FBXO11: variants seen among roughly 807,000 people sequenced by gnomAD.
FBXO11 encodes F-box protein 11.
Under a neutral mutation model 117.0 loss-of-function variants are expected in FBXO11, and 13 were observed. That is an observed-to-expected ratio of 0.11 (90% CI 0.07 to 0.18). FBXO11 has a LOEUF of 0.18. Ranked by LOEUF, FBXO11 falls within the 10% of genes least tolerant of loss-of-function variation. FBXO11 has a pLI of 1.00. For missense variants in FBXO11, 767 were observed against 1,164.4 expected (o/e 0.66, Z 4.97); for synonymous variants, 490 against 380.5 (o/e 1.29, Z -3.35).
intron 1 of FBXO11, among the ~76,000 whole-genome samples, chr2:47,869,702 C>A (rs529183045): frequency 2.6e-5 from 4 of 152,292 alleles, no homozygotes; most frequent in South Asian, 2.1e-4. Context: ...ATAAATACCA[C>A]ATAGTATGTA....
intron 1 of FBXO11, among the ~76,000 whole-genome samples, chr2:47,861,180 G>T (rs1414852536): frequency 6.6e-6 from 1 of 152,090 alleles, no homozygotes; most frequent in African/African-American, 2.4e-5. Context: ...AAACTGGGAA[G>T]TGTAGCCGTC....
At position 47,905,728 on chromosome 2, in the gene FBXO11, G is replaced by A. The variant is rs1412396859; in HGVS notation, c.-8C>T. 3.9e-6 allele frequency: 6 copies of A among 1,526,518 alleles called. No individual in the cohort carries two copies. Among genetic ancestry groups the A allele is most frequent in the African/African-American group, 1.4e-5 (1 of 70,230 alleles). The allele number at this position is 1,526,518 out of a possible 1,614,324, so 94.6% of individuals were successfully genotyped here. ...GGCTCGGACGGAGTTCATTTGCCGG[G>A]CTGAGGTGGCGGCGTTGGCGGAGGG... is the stretch of plus-strand genomic sequence containing the variant. On this transcript the variant is annotated 5_prime_UTR_variant, in exon 1 of 23. Transcript: ENST00000403359.
chr2:47,818,007 CA>C (rs1325741229), intron 16 of FBXO11, among the ~76,000 whole-genome samples: 1 of 152,140 alleles, frequency 6.6e-6, no homozygotes, highest in Non-Finnish European at 1.5e-5. Context: ...GTCAGCCAGG[CA>C]TGGTGGCACA....
intron 1 of FBXO11, among the ~76,000 whole-genome samples, chr2:47,856,674 C>G (rs936549035): frequency 2.6e-5 from 4 of 152,168 alleles, no homozygotes; most frequent in Non-Finnish European, 5.9e-5. Context: ...ATATTCAGCA[C>G]TATAGAGGTA....
At chr2:47,839,895 C>A in intron 1 of FBXO11, 126 bp from the exon 2 acceptor site, 2 of 726,366 alleles carry the variant, frequency 2.8e-6, no homozygotes, top group Non-Finnish European at 4.3e-6. Flanking sequence ...GAAATTCCAA[C>A]CAACTGGATA....
At chr2:47,900,103 AAGAGCTCTTAGGCCTTATCAGC>A (rs1373476567) in intron 1 of FBXO11, among the ~76,000 whole-genome samples, 1 of 152,130 alleles carries the variant, frequency 6.6e-6, no homozygotes, top group Non-Finnish European at 1.5e-5. Context: ...AAAGCAGGAT[AAGAGCTCTTAGGCCTTATCAGC>A]AGAGCTCTTA....
chr2:47,896,498 CTT>C (rs1677678231), intron 1 of FBXO11, among the ~76,000 whole-genome samples: 1 of 151,996 alleles, frequency 6.6e-6, no homozygotes, highest in South Asian at 2.1e-4. Flanking sequence ...CCACAGCTAA[CTT>C]TGTATTTTCT....
intron 1 of FBXO11, among the ~76,000 whole-genome samples, chr2:47,862,337 G>A (rs1444830171): frequency 6.6e-6 from 1 of 152,186 alleles, no homozygotes; most frequent in African/African-American, 2.4e-5. Context: ...AAAGCCATTG[G>A]GACTAGAGCA....
At chr2:47,847,526 T>A (rs987129524) in intron 1 of FBXO11, among the ~76,000 whole-genome samples, 2 of 151,776 alleles carry the variant, frequency 1.3e-5, no homozygotes, top group African/African-American at 4.8e-5. Flanking sequence ...CTGGTCAACA[T>A]GGTGAAACTC....
chr2:47,816,038 G>T (rs1314345270), intron 16 of FBXO11, among the ~76,000 whole-genome samples: 1 of 152,236 alleles, frequency 6.6e-6, no homozygotes, highest in Non-Finnish European at 1.5e-5. Context: ...TCCCCCTGCT[G>T]TCTAGATCAG....
chr2:47,811,102 C>G (rs76143449), intron 18 of FBXO11: 2 of 152,256 alleles, frequency 1.3e-5, no homozygotes, highest in South Asian at 2.1e-4. Flanking sequence ...AAATCTGACT[C>G]AGTAACTTCT....
At chr2:47,865,041 C>T (rs1675089902) in intron 1 of FBXO11, among the ~76,000 whole-genome samples, 1 of 152,198 alleles carries the variant, frequency 6.6e-6, no homozygotes, top group Admixed American at 6.5e-5. Context: ...ATTTCCTGAA[C>T]TGTTTCCTGT....
chr2:47,895,102 C>G (rs1339907574), intron 1 of FBXO11, among the ~76,000 whole-genome samples: 1 of 151,990 alleles, frequency 6.6e-6, no homozygotes, highest in African/African-American at 2.4e-5. Context: ...GAGAAAATAT[C>G]AGCAATGATA....
Position 47,831,070 on chromosome 2 carries a change from A to T in FBXO11, c.1398+1279T>A, listed in dbSNP as rs985360683. On this transcript the variant is annotated intron_variant, in intron 11 of 22. Coordinates refer to ENST00000403359, the MANE Select transcript of FBXO11 (RefSeq NM_001190274.2). ...TGCCTTGGCCTCCCAAAGTGCTGGG[A>T]TTACAGGTGTGAGCCACTGCACCCG... 2.7e-5 allele frequency among the ~76,000 whole-genome samples: 4 copies of T among 150,814 alleles called. No homozygotes were observed. The East Asian group carries it at 8.2e-4, about 31-fold the overall frequency.
At chr2:47,811,391 A>G (rs1220736304) in intron 18 of FBXO11, 1 of 151,996 alleles carries the variant, frequency 6.6e-6, no homozygotes, top group Non-Finnish European at 1.5e-5. Context: ...CACCTGGCTA[A>G]TTTTTGTATT....
In FBXO11 at chr2:47,807,676, AAAATC is replaced by A. The variant is rs887861918; in HGVS notation, c.*437_*441del. 2.2e-5 allele frequency: 5 copies of A among 230,008 alleles called. No individual in the cohort carries two copies. The highest frequency in any genetic ancestry group is 1.6e-4 in the South Asian group (1 of 6,140). The allele number at this position is 230,008 out of a possible 1,614,324, so 14.2% of individuals were successfully genotyped here. ...CAATCTGAATACATGTTAAAAAAAA[AAAATC>A]AAAAGGAACGCAGAAGTGCTAGCTC... On this transcript the variant is annotated 3_prime_UTR_variant, in exon 23 of 23. Coordinates refer to ENST00000403359, the MANE Select transcript of FBXO11 (RefSeq NM_001190274.2).
Position 47,900,697 on chromosome 2 carries a change from C to T in FBXO11, c.232+4792G>A, listed in dbSNP as rs1403714018. ...ATACACACGTATACACACACGTATA[C>T]ACACACGTGTATATATATACACGTA... On this transcript the variant is annotated intron_variant, in intron 1 of 22. Transcript: ENST00000403359. Among the ~76,000 whole-genome samples the T allele has an allele frequency of 1.9e-4, 17 of 90,954 alleles. 1 individual carries two copies. Among genetic ancestry groups the T allele is most frequent in the Non-Finnish European group, 3.0e-4 (12 of 40,656 alleles). 59.7% of individuals were successfully genotyped at this position (90,954 alleles called of 152,430 possible).
intron 1 of FBXO11, among the ~76,000 whole-genome samples, chr2:47,898,960 G>A (rs1677885585): frequency 6.6e-6 from 1 of 151,826 alleles, no homozygotes; most frequent in Admixed American, 6.6e-5. Flanking sequence ...AAAAAAAAAA[G>A]TAATAAAATC....
chr2:47,812,306 T>C (rs1670674664), intron 18 of FBXO11, among the ~76,000 whole-genome samples: 1 of 152,222 alleles, frequency 6.6e-6, no homozygotes, highest in Non-Finnish European at 1.5e-5. Flanking sequence ...TAAATCAGTA[T>C]CTAAAGAATA....
Sources: allele counts gnomAD v4.1 joint callset (sites outside exome capture counted in the v4.1 genomes callset), GRCh38; gene constraint gnomAD v4.1.1; transcripts MANE v1.5; gene names NCBI Gene and HGNC (gene_info 2026-07-23, HGNC 2026-07-21).